The following TCF25 variants were observed in gnomAD, a reference collection of about 807,000 sequenced individuals.
The protein encoded by TCF25 is ribosome quality control complex subunit TCF25.
TCF25 carries 41 observed loss-of-function variants against 83.1 expected under a neutral mutation model. The observed-to-expected ratio is 0.49, with a 90% CI of 0.38 to 0.64. The LOEUF (loss-of-function observed/expected upper bound fraction) is 0.64, where lower values mean the gene tolerates loss of function less well. Among genes scored for constraint, TCF25 ranks in the 30% least tolerant of loss-of-function variants. TCF25 has a pLI of 0.00. For synonymous variants in TCF25, 458 were observed against 365.0 expected, an observed-to-expected ratio of 1.25 and a Z score of -2.90; for missense variants, 979 against 914.5, an observed-to-expected ratio of 1.07 and a Z score of -0.91.
chr16:89,893,882 A>T, intron 7 of TCF25, 24 bp downstream of exon 7: 2 of 1,585,556 alleles, frequency 1.3e-6, no homozygotes, highest in Non-Finnish European at 1.7e-6. Flanking sequence ...GCAGCCCCTG[A>T]CAGGAGCAGG....
At chr16:89,882,941 C>T (rs2042719422) in intron 1 of TCF25, among the ~76,000 whole-genome samples, 1 of 152,100 alleles carries the variant, frequency 6.6e-6, no homozygotes, top group Non-Finnish European at 1.5e-5. Context: ...GCCTTTTTTT[C>T]CTGCCTGCTG....
At chr16:89,908,605 CCTCCCAG>C (rs1377413572) in intron 16 of TCF25, among the ~76,000 whole-genome samples, 1 of 47,944 alleles carries the variant, frequency 2.1e-5, no homozygotes, top group African/African-American at 7.8e-5. Context: ...CCGCCTCCCT[CCTCCCAG>C]CTCCCACCTC....
intron 7 of TCF25, among the ~76,000 whole-genome samples, chr16:89,894,420 C>T (rs1228929666): frequency 2.0e-5 from 3 of 150,202 alleles, no homozygotes; most frequent in Non-Finnish European, 4.4e-5. Flanking sequence ...AGCCGCCGGA[C>T]AGCTCCCCTT....
chr16:89,910,073 A>G (rs1314347110), intron 16 of TCF25: 5 of 155,340 alleles, frequency 3.2e-5, no homozygotes, highest in South Asian at 3.9e-4. Context: ...GCATTGAGGA[A>G]TCGCGGTTCT....
chr16:89,878,106 C>T (rs1190437225), intron 1 of TCF25, among the ~76,000 whole-genome samples: 2 of 152,036 alleles, frequency 1.3e-5, no homozygotes. Context: ...GGCAAAACCC[C>T]ATCTCTACAA....
At position 89,898,843 on chromosome 16, in the gene TCF25, T is replaced by C; in HGVS notation, c.1192T>C (p.Tyr398His). ...GGCCTTGCGGGCCCGGAACTACGAG[T>C]ACCTGATCCGCCTCTTCCAGGAGTG... ...HLALRARNYE[Y>H]LIRLFQEWEA... Residue 398 changes from tyrosine (Y) to histidine (H), a missense_variant, in exon 11 of 18, where the codon TAC becomes CAC. Coordinates refer to ENST00000263346, the MANE Select transcript of TCF25 (RefSeq NM_014972.3). The C allele has an allele frequency of 6.2e-7, 1 of 1,613,850 alleles. No homozygotes were observed. The highest frequency in any genetic ancestry group is 8.5e-7 in the Non-Finnish European group (1 of 1,180,016).
chr16:89,905,715 G>A (rs912891398), intron 14 of TCF25, among the ~76,000 whole-genome samples: 6 of 152,214 alleles, frequency 3.9e-5, no homozygotes, highest in African/African-American at 9.6e-5. Flanking sequence ...GCCCCCAGCC[G>A]CTGGCAGTCA....
Position 89,888,385 on chromosome 16 carries a change from C to T in TCF25, c.614+668C>T, listed in dbSNP as rs548139103. 7.2e-5 allele frequency among the ~76,000 whole-genome samples: 11 copies of T among 151,948 alleles called. No individual in the cohort carries two copies. In the East Asian group the frequency reaches 7.8e-4, roughly 11 times the overall value. ...GGCGGATCACCTGAGTTCACGAGTTCGAGATCAGCCTGACCAACATGGAGA... is the reference window on the plus strand; with the variant it reads ...GGCGGATCACCTGAGTTCACGAGTTTGAGATCAGCCTGACCAACATGGAGA... On this transcript the variant is annotated intron_variant, in intron 5 of 17. Transcript: ENST00000263346.
chr16:89,884,174 C>G, intron 2 of TCF25: 1 of 195,338 alleles, frequency 5.1e-6, no homozygotes, highest in Non-Finnish European at 1.1e-5. Context: ...TCCTGAGGAG[C>G]CTTCCTACTG....
At chr16:89,875,432 T>C (rs1359008061) in intron 1 of TCF25, among the ~76,000 whole-genome samples, 1 of 151,960 alleles carries the variant, frequency 6.6e-6, no homozygotes, top group African/African-American at 2.4e-5. Context: ...TTCTGCGTGC[T>C]GAAAGATACT....
chr16:89,876,612 G>C (rs561193825), intron 1 of TCF25, among the ~76,000 whole-genome samples: 1 of 151,932 alleles, frequency 6.6e-6, no homozygotes, highest in Non-Finnish European at 1.5e-5. Context: ...CCAACATGGT[G>C]AAACCCCATC....
At position 89,900,873 on chromosome 16, in the gene TCF25, C is replaced by T. The variant is rs190562434; in HGVS notation, c.1381+79C>T. On this transcript the variant is annotated intron_variant, in intron 12 of 17. Transcript: ENST00000263346. Reference sequence around the variant, plus strand: ...GGGCTGCTCTTCCTGGTGGTGGAGGCCAGGTCCCAGTCCTTCCCCACACTT... The same window carrying T: ...GGGCTGCTCTTCCTGGTGGTGGAGGTCAGGTCCCAGTCCTTCCCCACACTT... 115 of 1,385,628 alleles carry T rather than the reference C, an allele frequency of 8.3e-5. No homozygotes were observed. The African/African-American group carries it at 1.5e-3, about 18-fold the overall frequency. 85.8% of individuals were successfully genotyped at this position (1,385,628 alleles called of 1,614,324 possible). A position where few individuals can be genotyped will look rare whatever the true frequency, so the allele number is the denominator to read the frequency against.
Position 89,892,264 on chromosome 16 carries a change from A to G in TCF25, c.686A>G (p.Tyr229Cys). ...ACCCCTAAAAGCACCTGGCCCCGCT[A>G]CAGCAAACCAGGTGAGGGTCTGCAG... ...LTTPKSTWPR[Y>C]SKPGLSMRLL... The change falls in exon 6 of 18, where the codon TAC (tyrosine) becomes TGC (cysteine). Residue 229 changes from tyrosine (Y) to cysteine (C), a missense_variant. Tyr to Cys is a radical substitution (Grantham distance 194). Coordinates refer to ENST00000263346, the MANE Select transcript of TCF25 (RefSeq NM_014972.3). 1 of 1,611,850 alleles carries G rather than the reference A, an allele frequency of 6.2e-7. No individual in the cohort carries two copies. The highest frequency in any genetic ancestry group is 8.5e-7 in the Non-Finnish European group (1 of 1,179,292).
intron 5 of TCF25, among the ~76,000 whole-genome samples, chr16:89,888,377 C>T (rs945286696): frequency 4.6e-5 from 7 of 152,070 alleles, no homozygotes; most frequent in African/African-American, 1.7e-4. Context: ...CACCTGAGTT[C>T]ACGAGTTCGA....
chr16:89,909,865 C>T (rs891266774), intron 16 of TCF25: 6 of 152,574 alleles, frequency 3.9e-5, no homozygotes, highest in African/African-American at 1.4e-4. Flanking sequence ...AGAACAAAAG[C>T]CCCATGGCCA....
intron 13 of TCF25, 74 bp downstream of exon 13, chr16:89,904,279 T>G (rs781297171): frequency 1.4e-6 from 2 of 1,473,248 alleles, no homozygotes; most frequent in South Asian, 2.4e-5. Flanking sequence ...TCACTCATCC[T>G]GAGAGGCCCT....
chr16:89,889,422 C>T (rs946222382), intron 5 of TCF25: 9 of 248,520 alleles, frequency 3.6e-5, no homozygotes, highest in Non-Finnish European at 7.1e-5. Flanking sequence ...AGCGATTCTC[C>T]TCCCTCTACC....
intron 12 of TCF25, among the ~76,000 whole-genome samples, chr16:89,903,111 C>T (rs967670872): frequency 4.6e-5 from 7 of 152,270 alleles, no homozygotes; most frequent in South Asian, 2.1e-4. Flanking sequence ...TGTCTGGAAA[C>T]GCGGCTGGGA....
At chr16:89,881,037 C>T (rs75656929) in intron 1 of TCF25, among the ~76,000 whole-genome samples, 5,611 of 152,284 alleles carry the variant, frequency 0.037, 173 homozygotes, top group African/African-American at 0.084. Flanking sequence ...GCTCTGTTTA[C>T]ATAACACGTC....
Sources: gnomAD v4.1 joint callset for allele counts (sites outside exome capture counted in the v4.1 genomes callset) on GRCh38, gnomAD v4.1.1 for gene constraint, MANE v1.5 for transcripts, NCBI Gene and HGNC (gene_info 2026-07-23, HGNC 2026-07-21) for gene names.